SAMD14: variants seen among roughly 807,000 people sequenced by gnomAD.
The protein encoded by SAMD14 is sterile alpha motif domain-containing protein 14.
SAMD14 carries 27 observed loss-of-function variants against 46.2 expected under a neutral mutation model. The observed-to-expected ratio is 0.58, with a 90% CI of 0.43 to 0.81. The LOEUF (loss-of-function observed/expected upper bound fraction) is 0.81. Among genes scored for constraint, SAMD14 ranks in the 30% least tolerant of loss-of-function variants. The pLI, the probability that SAMD14 is intolerant of heterozygous loss-of-function variation, is 0.00. For missense variants in SAMD14, 559 were observed against 582.2 expected (o/e 0.96, Z 0.41); for synonymous variants, 241 against 254.3 (o/e 0.95, Z 0.50).
At position 50,118,485 on chromosome 17, in the gene SAMD14, G is replaced by A. The variant is rs75166937; in HGVS notation, c.44-158C>T. On this transcript the variant is annotated intron_variant, in intron 2 of 9. Coordinates refer to ENST00000330175, the MANE Select transcript of SAMD14 (RefSeq NM_001257359.2). ...CAGATGAAAAACAGGGTGTCTCCCC[G>A]TCTCAGGTGGGAGTGGGCGGGTGTG... Among the ~76,000 whole-genome samples, 54 of 152,324 alleles carry A rather than the reference G, an allele frequency of 3.5e-4. 1 individual carries two copies. The East Asian group carries it at 9.4e-3, about 27-fold the overall frequency.
At position 50,129,012 on chromosome 17, in the gene SAMD14, T is replaced by C. The variant is rs1911909589; in HGVS notation, c.-13+505A>G. ...GGTGGATGGGAAAGGAGACTAGCGG[T>C]CGGGGAGGCAGTTGTGGAGCCAGAG... On this transcript the variant is annotated intron_variant, in intron 1 of 9. Transcript: ENST00000330175. This position sits in a 1 kb window ranked among gnomAD's most constrained non-coding sequence, Gnocchi z 5.6. 6.6e-6 allele frequency among the ~76,000 whole-genome samples: 1 copy of C among 152,064 alleles called. No individual in the cohort carries two copies. The highest frequency in any genetic ancestry group is 1.5e-5 in the Non-Finnish European group (1 of 67,994).
At chr17:50,126,345 C>T (rs1318968981) in intron 1 of SAMD14, among the ~76,000 whole-genome samples, 1 of 149,340 alleles carries the variant, frequency 6.7e-6, no homozygotes, top group Non-Finnish European at 1.5e-5. Flanking sequence ...CACTCTGTCA[C>T]CCAGGCTGGA....
In SAMD14 at chr17:50,117,640, C is replaced by A; in HGVS notation, c.266G>T (p.Gly89Val). The A allele has an allele frequency of 6.4e-7, 1 of 1,561,532 alleles. No individual in the cohort carries two copies. Residue 89 changes from glycine to valine, a missense_variant, in exon 4 of 10, where the codon GGC (glycine) becomes GTC (valine). Gly to Val is a moderately radical substitution (Grantham distance 109). Coordinates refer to ENST00000330175, the MANE Select transcript of SAMD14 (RefSeq NM_001257359.2). ...AGAGCCCCCGGCCGGGGACCCCGGG[C>A]CTGAGTGCAAAGGCGAGCGCAGCCG... Reference protein sequence around the residue: ...LHRLRSPLHSGPGSPAGGSFC... With the variant: ...LHRLRSPLHSVPGSPAGGSFC...
rs999137460 is a variant in SAMD14, at chr17:50,129,134, T to C, written c.-13+383A>G. ...CACCCCCTCAAAGCACTGTTGGAGATGGGGTGAGGTTGGGGACAGGGCACC... is the reference window on the plus strand; with the variant it reads ...CACCCCCTCAAAGCACTGTTGGAGACGGGGTGAGGTTGGGGACAGGGCACC... On this transcript the variant is annotated intron_variant, in intron 1 of 9. Transcript: ENST00000330175. The surrounding 1 kb of genome is among the most constrained non-coding windows in gnomAD (Gnocchi z 5.6). Among the ~76,000 whole-genome samples, 2 of 151,964 alleles carry C rather than the reference T, an allele frequency of 1.3e-5. No individual in the cohort carries two copies. Among genetic ancestry groups the C allele is most frequent in the Non-Finnish European group, 2.9e-5 (2 of 67,958 alleles).
At chr17:50,120,049 TATG>T (rs1911427188) in intron 2 of SAMD14, among the ~76,000 whole-genome samples, 1 of 152,136 alleles carries the variant, frequency 6.6e-6, no homozygotes, top group Non-Finnish European at 1.5e-5. Flanking sequence ...GGTGAAGGGA[TATG>T]ATGTTTTGGA....
intron 1 of SAMD14, chr17:50,125,324 C>T (rs1466186105): frequency 8.7e-6 from 2 of 231,048 alleles, no homozygotes; most frequent in South Asian, 7.4e-5. Flanking sequence ...CATTAGCATC[C>T]CCTAAAAGCT....
intron 1 of SAMD14, among the ~76,000 whole-genome samples, chr17:50,127,706 C>T (rs1315715886): frequency 6.6e-6 from 1 of 152,152 alleles, no homozygotes; most frequent in Non-Finnish European, 1.5e-5. Flanking sequence ...GCAGACTCTC[C>T]GAGAACCCTC....
intron 2 of SAMD14, chr17:50,124,110 T>A (rs542738606): frequency 6.1e-5 from 28 of 456,204 alleles, no homozygotes; most frequent in African/African-American, 5.6e-4. Flanking sequence ...CCAAGTTCCT[T>A]TGCTCAGGAC....
At chr17:50,121,785 CTA>C (rs1263780186) in intron 2 of SAMD14, among the ~76,000 whole-genome samples, 1 of 143,776 alleles carries the variant, frequency 7.0e-6, no homozygotes, top group Non-Finnish European at 1.5e-5. Flanking sequence ...TCTTACATGA[CTA>C]TGGCTAAGAG....
chr17:50,112,732 G>T lies in SAMD14; in HGVS notation c.*161C>A. 1.2e-6 allele frequency: 1 copy of T among 808,376 alleles called. No individual in the cohort carries two copies. The highest frequency in any genetic ancestry group is 1.9e-6 in the Non-Finnish European group (1 of 529,598). 50.1% of individuals were successfully genotyped at this position (808,376 alleles called of 1,614,324 possible). A position where few individuals can be genotyped will look rare whatever the true frequency, so the allele number is the denominator to read the frequency against. The stretch of plus-strand genomic sequence containing the variant: ...GGGGTCTCCCTTTCTGGGGTCTCTG[G>T]GTCTAGACCAAGTGACAGGGTAAGA... On this transcript the variant is annotated 3_prime_UTR_variant, in exon 10 of 10. Coordinates refer to ENST00000330175, the MANE Select transcript of SAMD14 (RefSeq NM_001257359.2).
At chr17:50,117,834 CG>C in intron 3 of SAMD14, 139 bp from the exon 4 acceptor site, 1 of 926,918 alleles carries the variant, frequency 1.1e-6, no homozygotes, top group Non-Finnish European at 1.5e-6. Context: ...CCTTAGGCAG[CG>C]GGGTGGCTGG....
At chr17:50,127,239 G>A (rs1911821255) in intron 1 of SAMD14, among the ~76,000 whole-genome samples, 1 of 152,182 alleles carries the variant, frequency 6.6e-6, no homozygotes, top group African/African-American at 2.4e-5. Context: ...TTCAGTTTAG[G>A]GGTGGAGGAA....
chr17:50,121,065 T>C (rs1029331994), intron 2 of SAMD14, among the ~76,000 whole-genome samples: 2 of 152,344 alleles, frequency 1.3e-5, no homozygotes, highest in Middle Eastern at 3.4e-3. Flanking sequence ...CAGTAGGTGC[T>C]TAGCACACCC....
In SAMD14 at chr17:50,118,336, C is replaced by G. The variant is rs774602078; in HGVS notation, c.44-9G>C. The G allele has an allele frequency of 1.2e-6, 2 of 1,610,822 alleles. No individual in the cohort carries two copies. Among genetic ancestry groups the G allele is most frequent in the African/African-American group, 1.3e-5 (1 of 75,028 alleles). On this transcript the variant is annotated splice_polypyrimidine_tract_variant and intron_variant, in intron 2 of 9. Transcript: ENST00000330175. The stretch of plus-strand genomic sequence containing the variant: ...CACAGCCAAGTCCAGGTCTGCGAAC[C>G]GGGGGAGGGGAGCAGAGACCAGACA...
rs967700537 is a variant in SAMD14 at position 50,115,509 on chromosome 17, C to T, written c.822+55G>A. ...AGCCTGAGCCAAGGTGAAGTACGCC[C>T]TCATGTCACCTGAGACTGGGGGCCA... On this transcript the variant is annotated intron_variant, in intron 7 of 9. Transcript: ENST00000330175. This position sits in a 1 kb window ranked among gnomAD's most constrained non-coding sequence, Gnocchi z 5.3. 1 of 1,502,414 alleles carries T rather than the reference C, an allele frequency of 6.7e-7. No individual in the cohort carries two copies. Among genetic ancestry groups the T allele is most frequent in the Non-Finnish European group, 8.9e-7 (1 of 1,122,344 alleles). 93.1% of individuals were successfully genotyped at this position (1,502,414 alleles called of 1,614,324 possible).
intron 1 of SAMD14, chr17:50,125,269 G>A (rs982697930): frequency 1.1e-5 from 4 of 370,984 alleles, no homozygotes; most frequent in South Asian, 3.1e-5. Context: ...GTGCCTTCAC[G>A]TGGGTCACTG....
Position 50,114,028 on chromosome 17 carries a change from C to A in SAMD14, c.994G>T (p.Gly332Cys). The change falls in exon 9 of 10, where the codon GGC (glycine) becomes TGC (cysteine). Residue 332 changes from glycine to cysteine, a missense_variant. Gly to Cys is a radical substitution (Grantham distance 159). Transcript: ENST00000330175. Reference protein sequence around the residue: ...PVHHWTSQQVGQWLQSLNLEQ... With the variant: ...PVHHWTSQQVCQWLQSLNLEQ... Reference sequence around the variant, plus strand: ...AGGTTGAGGCTCTGCAGCCACTGGCCCACCTGCTGGCTGGTCCAGTGGTGG... The same window carrying A: ...AGGTTGAGGCTCTGCAGCCACTGGCACACCTGCTGGCTGGTCCAGTGGTGG... The A allele has an allele frequency of 6.2e-7, 1 of 1,613,752 alleles. No homozygotes were observed. Among genetic ancestry groups the A allele is most frequent in the Non-Finnish European group, 8.5e-7 (1 of 1,180,040 alleles).
chr17:50,124,038 G>A (rs1388452601), intron 2 of SAMD14: 2 of 455,318 alleles, frequency 4.4e-6, no homozygotes, highest in South Asian at 3.1e-5. Context: ...GGAGAAGCTG[G>A]GGACCCTCTG....
At chr17:50,113,231 A>G in intron 9 of SAMD14, 183 bp from the exon 10 acceptor site, 1 of 653,200 alleles carries the variant, frequency 1.5e-6, no homozygotes, top group East Asian at 2.8e-5. Flanking sequence ...AGAATTTGGA[A>G]TGAGTGTGGT....
Sources: allele counts gnomAD v4.1 joint callset (sites outside exome capture counted in the v4.1 genomes callset), GRCh38; gene constraint gnomAD v4.1.1; non-coding constraint Gnocchi (gnomAD v3.1); transcripts MANE v1.5; gene names NCBI Gene and HGNC (gene_info 2026-07-23, HGNC 2026-07-21).